The following CHN2 variants were observed in gnomAD, a reference collection of about 807,000 sequenced individuals.
CHN2 encodes the protein chimerin 2.
Under a neutral mutation model 56.3 loss-of-function variants are expected in CHN2, and 35 were observed. The observed-to-expected ratio is 0.62, with a 90% confidence interval of 0.47 to 0.82. The LOEUF (loss-of-function observed/expected upper bound fraction) is 0.82. CHN2 is among the 40% of genes least tolerant of loss of function. The pLI is 0.00. For synonymous variants in CHN2, 210 were observed against 212.8 expected, an observed-to-expected ratio of 0.99 and a Z score of 0.12; for missense variants, 491 against 580.5, an observed-to-expected ratio of 0.85 and a Z score of 1.58.
intron 1 of CHN2, among the ~76,000 whole-genome samples, chr7:29,324,479 C>T (rs1017206933): frequency 1.3e-5 from 2 of 152,286 alleles, no homozygotes; most frequent in South Asian, 4.1e-4. Context: ...TCAGCTGTTA[C>T]AATTTTTCTC....
At chr7:29,310,019 T>C (rs1794469461) in intron 1 of CHN2, among the ~76,000 whole-genome samples, 1 of 152,236 alleles carries the variant, frequency 6.6e-6, no homozygotes, top group African/African-American at 2.4e-5. Context: ...GGCAGGCACA[T>C]GGCATTTCCT....
At chr7:29,365,777 C>A (rs932123720) in intron 2 of CHN2, among the ~76,000 whole-genome samples, 1 of 152,094 alleles carries the variant, frequency 6.6e-6, no homozygotes, top group Non-Finnish European at 1.5e-5. Flanking sequence ...CCTCTGAGAG[C>A]AATGTGAGGC....
In CHN2 at chr7:29,200,290, T is replaced by C. The variant is rs572980904; in HGVS notation, c.49+5300T>C. 4.0e-3 allele frequency among the ~76,000 whole-genome samples: 604 copies of C among 151,978 alleles called. 4 individuals are homozygous for C. Among genetic ancestry groups the C allele is most frequent in the Non-Finnish European group, 4.8e-3 (323 of 67,956 alleles). ...TAATTTTCAAAACAAAATGGCTTTT[T>C]CCCCCTCCTTCCCTCTCTTCTTTCC... is the stretch of plus-strand genomic sequence containing the variant. On this transcript the variant is annotated intron_variant, in intron 1 of 12. Transcript: ENST00000222792.
intron 2 of CHN2, among the ~76,000 whole-genome samples, chr7:29,158,970 C>T (rs1164396834): frequency 6.6e-6 from 1 of 152,162 alleles, no homozygotes; most frequent in Admixed American, 6.6e-5. Context: ...CTGCGGCAAT[C>T]GAAATATCCT....
intron 1 of CHN2, among the ~76,000 whole-genome samples, chr7:29,351,325 G>A (rs914253705): frequency 5.9e-4 from 89 of 152,106 alleles, no homozygotes; most frequent in Middle Eastern, 3.4e-3. Context: ...GTTTTGTTTT[G>A]TTTTGTTTTG....
intron 6 of CHN2, among the ~76,000 whole-genome samples, chr7:29,429,896 C>T (rs976549716): frequency 2.6e-5 from 4 of 152,214 alleles, no homozygotes; most frequent in Admixed American, 6.5e-5. Flanking sequence ...ATTTAAGCTT[C>T]GTAGCTATAT....
intron 7 of CHN2, 95 bp downstream of exon 7, chr7:29,480,451 G>A: frequency 1.6e-6 from 2 of 1,283,328 alleles, no homozygotes; most frequent in Non-Finnish European, 2.2e-6. Flanking sequence ...GTAAAGTCAA[G>A]AGACAATGAA....
chr7:29,373,671 C>A (rs1415523987), intron 3 of CHN2, among the ~76,000 whole-genome samples: 1 of 152,156 alleles, frequency 6.6e-6, no homozygotes, highest in Non-Finnish European at 1.5e-5. Context: ...TGTAAACCTT[C>A]GAAAGCATTC....
intron 1 of CHN2, among the ~76,000 whole-genome samples, chr7:29,306,465 A>G (rs1794175076): frequency 6.6e-6 from 1 of 152,210 alleles, no homozygotes; most frequent in South Asian, 2.1e-4. Flanking sequence ...TGGGAAGGCA[A>G]AATTCCTTTG....
chr7:29,492,478 C>T (rs943797498), intron 7 of CHN2, among the ~76,000 whole-genome samples: 5 of 152,072 alleles, frequency 3.3e-5, no homozygotes, highest in Non-Finnish European at 7.4e-5. Flanking sequence ...TCCACAGATA[C>T]CCTAAACTCC....
At chr7:29,189,434 A>G (rs1799125762) in intron 2 of CHN2, among the ~76,000 whole-genome samples, 1 of 151,944 alleles carries the variant, frequency 6.6e-6, no homozygotes, top group African/African-American at 2.4e-5. Context: ...AGCCATAGGA[A>G]CCCCCGCAGA....
At chr7:29,307,679 G>A (rs1234822179) in intron 1 of CHN2, among the ~76,000 whole-genome samples, 3 of 152,164 alleles carry the variant, frequency 2.0e-5, no homozygotes, top group African/African-American at 7.2e-5. Context: ...GAAAAAGAGA[G>A]GAAGGGACCA....
chr7:29,316,425 A>G (rs1794958342), intron 1 of CHN2, among the ~76,000 whole-genome samples: 1 of 152,192 alleles, frequency 6.6e-6, no homozygotes, highest in Non-Finnish European at 1.5e-5. Context: ...AGCAATTTAT[A>G]TGAGTTGATT....
intron 1 of CHN2, among the ~76,000 whole-genome samples, chr7:29,303,693 G>C (rs748754089): frequency 1.8e-4 from 28 of 152,140 alleles, no homozygotes; most frequent in Non-Finnish European, 3.7e-4. Context: ...ATCATGCCAG[G>C]GCTCAAGACT....
At chr7:29,227,477 C>G (rs1204542495) in intron 1 of CHN2, among the ~76,000 whole-genome samples, 1 of 152,160 alleles carries the variant, frequency 6.6e-6, no homozygotes, top group Non-Finnish European at 1.5e-5. Context: ...TATCGTAAGT[C>G]CATATAGGTC....
intron 6 of CHN2, among the ~76,000 whole-genome samples, chr7:29,476,755 A>T (rs564591085): frequency 6.6e-6 from 1 of 152,078 alleles, no homozygotes; most frequent in African/African-American, 2.4e-5. Context: ...GAGGGGCTCT[A>T]CTGGCATCTA....
intron 1 of CHN2, among the ~76,000 whole-genome samples, chr7:29,300,536 C>G (rs556886192): frequency 6.6e-6 from 1 of 152,228 alleles, no homozygotes; most frequent in Admixed American, 6.5e-5. Flanking sequence ...TTTTCTACTT[C>G]TAATTGTGCT....
chr7:29,167,535 G>A (rs188538178), intron 2 of CHN2, among the ~76,000 whole-genome samples: 55 of 152,212 alleles, frequency 3.6e-4, no homozygotes, highest in African/African-American at 1.2e-3. Flanking sequence ...ATCTTAGAGT[G>A]GTATTGCTGA....
At chr7:29,229,179 A>G (rs960643170) in intron 1 of CHN2, among the ~76,000 whole-genome samples, 9 of 152,182 alleles carry the variant, frequency 5.9e-5, no homozygotes, top group Non-Finnish European at 1.0e-4. Context: ...AGGATGAGAT[A>G]AAAGAGTGAC....
Sources: allele counts gnomAD v4.1 joint callset (sites outside exome capture counted in the v4.1 genomes callset), GRCh38; gene constraint gnomAD v4.1.1; transcripts MANE v1.5; gene names NCBI Gene and HGNC (gene_info 2026-07-23, HGNC 2026-07-21).